DEPTOR: variants seen among roughly 807,000 people sequenced by gnomAD.
The protein encoded by DEPTOR is DEP domain-containing mTOR-interacting protein.
DEPTOR carries 41 observed loss-of-function variants against 41.6 expected under a neutral mutation model. The observed-to-expected ratio is 0.98, with a 90% CI of 0.77 to 1.28. The LOEUF (loss-of-function observed/expected upper bound fraction) is 1.28, where lower values mean the gene tolerates loss of function less well. Ranked by LOEUF, DEPTOR falls within the 50% of genes most tolerant of loss-of-function variation. The probability of loss-of-function intolerance (pLI) is 0.00; values close to 1 mark genes in which losing one functional copy is unlikely to be tolerated. For synonymous variants in DEPTOR, 195 were observed against 192.3 expected, an observed-to-expected ratio of 1.01 and a Z score of -0.12; for missense variants, 514 against 527.9, an observed-to-expected ratio of 0.97 and a Z score of 0.26.
At chr8:119,944,747 T>G (rs994724956) in intron 3 of DEPTOR, among the ~76,000 whole-genome samples, 1 of 151,080 alleles carries the variant, frequency 6.6e-6, no homozygotes, top group African/African-American at 2.4e-5. Flanking sequence ...CTCCGCCTCC[T>G]GGGTTTAAGC....
intron 4 of DEPTOR, among the ~76,000 whole-genome samples, chr8:119,985,067 G>C (rs1828812575): frequency 6.6e-6 from 1 of 152,158 alleles, no homozygotes; most frequent in Non-Finnish European, 1.5e-5. Context: ...CAGCTACTTG[G>C]GAGGCTGAGG....
At chr8:120,011,897 T>C (rs1370695323) in intron 8 of DEPTOR, among the ~76,000 whole-genome samples, 1 of 152,196 alleles carries the variant, frequency 6.6e-6, no homozygotes, top group Non-Finnish European at 1.5e-5. Context: ...TTTACAGAGT[T>C]CATTAGAGCA....
intron 1 of DEPTOR, among the ~76,000 whole-genome samples, chr8:119,898,727 TAA>T (rs552676126): frequency 1.6e-5 from 2 of 127,054 alleles, no homozygotes; most frequent in Non-Finnish European, 1.7e-5. Context: ...AAATAAAAAC[TAA>T]AAAAAAAAAA....
intron 4 of DEPTOR, among the ~76,000 whole-genome samples, chr8:119,987,737 G>A (rs1828847780): frequency 6.6e-6 from 1 of 152,172 alleles, no homozygotes; most frequent in Non-Finnish European, 1.5e-5. Context: ...CCTCTAGAGA[G>A]GCAGCCTGGC....
chr8:120,043,266 A>G (rs1215180111), intron 8 of DEPTOR, among the ~76,000 whole-genome samples: 1 of 152,156 alleles, frequency 6.6e-6, no homozygotes, highest in Non-Finnish European at 1.5e-5. Context: ...GGCATGAGCC[A>G]CCGTGACTGG....
At chr8:119,924,508 T>G (rs565059367) in intron 1 of DEPTOR, among the ~76,000 whole-genome samples, 1 of 152,152 alleles carries the variant, frequency 6.6e-6, no homozygotes, top group Admixed American at 6.5e-5. Flanking sequence ...TTGCCTTACC[T>G]TGCCACTCTA....
intron 4 of DEPTOR, among the ~76,000 whole-genome samples, chr8:119,989,639 C>T (rs1209614922): frequency 6.6e-6 from 1 of 152,230 alleles, no homozygotes; most frequent in African/African-American, 2.4e-5. Context: ...ATAACTCTCT[C>T]ATAGTACTGT....
chr8:120,044,164 A>AT lies in DEPTOR; in HGVS notation c.1102-5409dup, dbSNP rs1310464372. On this transcript the variant is annotated intron_variant, in intron 8 of 8. Transcript: ENST00000286234. ...AGAACCAAGCTTTTTATTTTTATTTATTTATTTATTTTTTTGAGATGGGGG... is the reference window on the plus strand; with the variant it reads ...AGAACCAAGCTTTTTATTTTTATTTATTTTATTTATTTTTTTGAGATGGGGG... Among the ~76,000 whole-genome samples the AT allele has an allele frequency of 5.3e-5, 8 of 151,524 alleles. No individual in the cohort carries two copies. In the South Asian group the frequency reaches 1.3e-3, roughly 24 times the overall value.
At chr8:119,994,683 T>G (rs1318880256) in intron 4 of DEPTOR, among the ~76,000 whole-genome samples, 1 of 151,912 alleles carries the variant, frequency 6.6e-6, no homozygotes, top group Admixed American at 6.6e-5. Flanking sequence ...TTTGGGAGGC[T>G]AAGGTGGGCA....
At chr8:119,887,988 T>A (rs1827395774) in intron 1 of DEPTOR, among the ~76,000 whole-genome samples, 1 of 151,976 alleles carries the variant, frequency 6.6e-6, no homozygotes, top group Admixed American at 6.6e-5. Flanking sequence ...CCTGGCTAAT[T>A]TTTTTAATTT....
chr8:119,898,717 A>C (rs1827551273), intron 1 of DEPTOR, among the ~76,000 whole-genome samples: 1 of 150,816 alleles, frequency 6.6e-6, no homozygotes, highest in African/African-American at 2.4e-5. Context: ...GTCTCAAAAA[A>C]AATAAAAACT....
At chr8:119,968,545 G>T (rs1315949885) in intron 4 of DEPTOR, among the ~76,000 whole-genome samples, 1 of 152,052 alleles carries the variant, frequency 6.6e-6, no homozygotes, top group Non-Finnish European at 1.5e-5. Flanking sequence ...CAAGTGATGC[G>T]CCTGCCCCGG....
At chr8:119,958,744 C>T (rs184871853) in intron 3 of DEPTOR, among the ~76,000 whole-genome samples, 142 of 152,008 alleles carry the variant, frequency 9.3e-4, no homozygotes, top group African/African-American at 3.2e-3. Context: ...ATCACGTCAC[C>T]GTACTCCAGC....
chr8:120,006,893 C>G lies in DEPTOR; in HGVS notation c.996+18C>G. 1 of 1,613,866 alleles carries G rather than the reference C, an allele frequency of 6.2e-7. No homozygotes were observed. The highest frequency in any genetic ancestry group is 8.5e-7 in the Non-Finnish European group (1 of 1,179,804). On this transcript the variant is annotated intron_variant, in intron 7 of 8. Transcript: ENST00000286234. Reference sequence around the variant, plus strand: ...CATTCACGGTAGGCTGATGGTCTGGCCTTTTTCTCCCGTGCTGCCCATTTT... The same window carrying G: ...CATTCACGGTAGGCTGATGGTCTGGGCTTTTTCTCCCGTGCTGCCCATTTT...
At chr8:120,030,443 C>G (rs1812868562) in intron 8 of DEPTOR, among the ~76,000 whole-genome samples, 1 of 146,802 alleles carries the variant, frequency 6.8e-6, no homozygotes, top group Admixed American at 7.0e-5. Context: ...TAAGAGTGAC[C>G]CCAGTGTAAA....
intron 8 of DEPTOR, among the ~76,000 whole-genome samples, chr8:120,028,521 C>T (rs566961971): frequency 3.4e-5 from 5 of 145,120 alleles, no homozygotes; most frequent in African/African-American, 1.0e-4. Flanking sequence ...GTGCAAGGCA[C>T]GATCTCGGCT....
In DEPTOR at chr8:119,889,058, G is replaced by T. The variant is rs552496547; in HGVS notation, c.122+15090G>T. On this transcript the variant is annotated intron_variant, in intron 1 of 8. Coordinates refer to ENST00000286234, the MANE Select transcript of DEPTOR (RefSeq NM_022783.4). Reference sequence around the variant, plus strand: ...ATATAATGAATTTATTTAAAAATTTGTACACAATAACTTTAATAAATATAC... The same window carrying T: ...ATATAATGAATTTATTTAAAAATTTTTACACAATAACTTTAATAAATATAC... 2.6e-5 allele frequency among the ~76,000 whole-genome samples: 4 copies of T among 151,860 alleles called. No homozygotes were observed. In the East Asian group the frequency reaches 7.7e-4, roughly 29 times the overall value.
chr8:120,026,490 C>T (rs994570550), intron 8 of DEPTOR, among the ~76,000 whole-genome samples: 9 of 151,838 alleles, frequency 5.9e-5, no homozygotes, highest in African/African-American at 2.2e-4. Context: ...TTACAGGTAT[C>T]CACTAACATG....
intron 8 of DEPTOR, among the ~76,000 whole-genome samples, chr8:120,027,181 G>A (rs1312399348): frequency 6.6e-6 from 1 of 151,202 alleles, no homozygotes; most frequent in African/African-American, 2.4e-5. Context: ...TTGTGCCATT[G>A]CACTCCAGCC....
Sources: allele counts gnomAD v4.1 joint callset (sites outside exome capture counted in the v4.1 genomes callset), GRCh38; gene constraint gnomAD v4.1.1; transcripts MANE v1.5; gene names NCBI Gene and HGNC (gene_info 2026-07-23, HGNC 2026-07-21).